CAST: variants seen among roughly 807,000 people sequenced by gnomAD.
CAST encodes the protein MIR583 host.
CAST carries 76 observed loss-of-function variants against 119.6 expected under a neutral mutation model. The ratio of observed to expected loss-of-function variants is 0.64; its 90% CI spans 0.53 to 0.77. The LOEUF (loss-of-function observed/expected upper bound fraction) is 0.77. CAST is among the 30% of genes least tolerant of loss of function. CAST has a pLI of 0.00. For missense variants in CAST, 953 were observed against 946.5 expected, an observed-to-expected ratio of 1.01 and a Z score of -0.09; for synonymous variants, 319 against 331.6, an observed-to-expected ratio of 0.96 and a Z score of 0.41.
the CAST span, among the ~76,000 whole-genome samples, chr5:96,285,231 G>A: frequency 7.7e-3 from 1,165 of 152,230 alleles, 12 homozygotes; most frequent in African/African-American, 0.027. Context: ...TGCTTTTATG[G>A]AGTTTACATT....
intron 1 of CAST, among the ~76,000 whole-genome samples, chr5:96,562,815 T>C (rs969745977): frequency 6.6e-6 from 1 of 152,194 alleles, no homozygotes; most frequent in African/African-American, 2.4e-5. Context: ...AGAAACAAAA[T>C]GAGGCAGCTC....
the CAST span, among the ~76,000 whole-genome samples, chr5:96,410,464 C>T: frequency 7.9e-5 from 12 of 151,876 alleles, no homozygotes; most frequent in Admixed American, 7.2e-4. Context: ...AAGGCTGTTT[C>T]CAGGGAGGCA....
chr5:96,091,132 G>C, the CAST span, among the ~76,000 whole-genome samples: 1 of 152,022 alleles, frequency 6.6e-6, no homozygotes, highest in East Asian at 1.9e-4. Context: ...TTTGGAGACA[G>C]ACAGGCCTGG....
intron 2 of CAST, 28 bp downstream of exon 2, chr5:96,675,629 T>G: frequency 6.7e-7 from 1 of 1,500,012 alleles, no homozygotes; most frequent in Non-Finnish European, 9.2e-7. Context: ...GGGCTTTCAT[T>G]TTCTCTTGCT....
In CAST at chr5:96,741,594, C is replaced by G. The variant is rs1181720235; in HGVS notation, c.1098+14C>G. On this transcript the variant is annotated intron_variant, in intron 15 of 31. Coordinates refer to ENST00000675179, the MANE Select transcript of CAST (RefSeq NM_001750.7). The stretch of plus-strand genomic sequence containing the variant: ...AAGGTGGAGAAGGTATAGTCACAGT[C>G]TACCTGACAGCAGTTGCTTTCCAGA... The G allele has an allele frequency of 6.3e-7, 1 of 1,577,046 alleles. No individual in the cohort carries two copies. Among genetic ancestry groups the G allele is most frequent in the Non-Finnish European group, 8.7e-7 (1 of 1,147,026 alleles).
chr5:96,139,042 T>G, the CAST span, among the ~76,000 whole-genome samples: 1 of 152,046 alleles, frequency 6.6e-6, no homozygotes, highest in East Asian at 1.9e-4. Flanking sequence ...CCTATATGTA[T>G]GAAGTGAGCT....
chr5:96,525,182 G>T (rs565380099), upstream of CAST: 20 of 152,298 alleles, frequency 1.3e-4, no homozygotes, highest in South Asian at 4.1e-4. Flanking sequence ...AGATCATAAT[G>T]GCTGCTGCAA....
chr5:96,509,849 C>T, the CAST span, among the ~76,000 whole-genome samples: 1 of 152,168 alleles, frequency 6.6e-6, no homozygotes, highest in Non-Finnish European at 1.5e-5. Flanking sequence ...AATAATTGTT[C>T]TCTGGTTTCC....
the CAST span, among the ~76,000 whole-genome samples, chr5:96,153,622 A>G: frequency 8.5e-5 from 13 of 152,200 alleles, no homozygotes; most frequent in African/African-American, 3.1e-4. Flanking sequence ...GTGCATAAGA[A>G]TTTCTATCTT....
At chr5:96,152,405 C>T in the CAST span, among the ~76,000 whole-genome samples, 18 of 152,226 alleles carry the variant, frequency 1.2e-4, no homozygotes, top group South Asian at 2.1e-4. Flanking sequence ...TCTGGGTTTC[C>T]GGCTGGCTTT....
chr5:96,053,844 A>G, the CAST span, among the ~76,000 whole-genome samples: 1 of 152,240 alleles, frequency 6.6e-6, no homozygotes, highest in Admixed American at 6.5e-5. Flanking sequence ...TTTTGACCAC[A>G]TACATATGAT....
chr5:96,121,211 G>A, the CAST span, among the ~76,000 whole-genome samples: 1 of 152,138 alleles, frequency 6.6e-6, no homozygotes, highest in Admixed American at 6.6e-5. Context: ...ATAAAATAGT[G>A]CTTGGCACAT....
intron 3 of CAST, among the ~76,000 whole-genome samples, chr5:96,710,789 C>T (rs1343344798): frequency 2.6e-5 from 4 of 151,980 alleles, no homozygotes; most frequent in Non-Finnish European, 5.9e-5. Flanking sequence ...CACATGATAT[C>T]TTACTCTAAC....
chr5:96,048,467 A>G, the CAST span, among the ~76,000 whole-genome samples: 1 of 152,140 alleles, frequency 6.6e-6, no homozygotes, highest in Non-Finnish European at 1.5e-5. Flanking sequence ...ATTCGTTTTC[A>G]TTTTCTAACT....
chr5:96,640,380 G>T (rs1747935485), intron 1 of CAST, among the ~76,000 whole-genome samples: 1 of 152,200 alleles, frequency 6.6e-6, no homozygotes, highest in African/African-American at 2.4e-5. Flanking sequence ...AATTTGCACT[G>T]CTAGCAAGCA....
the CAST span, among the ~76,000 whole-genome samples, chr5:96,066,375 T>G: frequency 6.8e-6 from 1 of 147,884 alleles, no homozygotes; most frequent in Admixed American, 6.8e-5. Flanking sequence ...TGCTATTTGA[T>G]AATGATTTCT....
the CAST span, chr5:96,432,233 A>G: frequency 5.1e-6 from 5 of 989,132 alleles, no homozygotes; most frequent in Non-Finnish European, 7.5e-6. Flanking sequence ...TCGCGGGGAT[A>G]GATGGTCCCG....
At chr5:96,205,541 C>T in the CAST span, among the ~76,000 whole-genome samples, 2 of 151,988 alleles carry the variant, frequency 1.3e-5, no homozygotes, top group Admixed American at 1.3e-4. Flanking sequence ...TGTTTAGCTC[C>T]CACTTATAAG....
chr5:96,766,675 C>G (rs1770089102), intron 27 of CAST, among the ~76,000 whole-genome samples: 1 of 152,186 alleles, frequency 6.6e-6, no homozygotes, highest in Non-Finnish European at 1.5e-5. Flanking sequence ...CCTTTTGTCT[C>G]CCACATGATA....
Sources: gnomAD v4.1 joint callset for allele counts (sites outside exome capture counted in the v4.1 genomes callset) on GRCh38, gnomAD v4.1.1 for gene constraint, MANE v1.5 for transcripts, NCBI Gene and HGNC (gene_info 2026-07-23, HGNC 2026-07-21) for gene names.